SNTG1: variants seen among roughly 807,000 people sequenced by gnomAD.
The protein encoded by SNTG1 is syntrophin gamma 1.
Under a neutral mutation model 74.7 loss-of-function variants are expected in SNTG1, and 39 were observed. The observed-to-expected ratio is 0.52, with a 90% CI of 0.40 to 0.68. The LOEUF is 0.68. Among genes scored for constraint, SNTG1 ranks in the 30% least tolerant of loss-of-function variants. The pLI, the probability that SNTG1 is intolerant of heterozygous loss-of-function variation, is 0.00. For missense variants in SNTG1, 685 were observed against 609.5 expected, an observed-to-expected ratio of 1.12 and a Z score of -1.30; for synonymous variants, 254 against 217.1, an observed-to-expected ratio of 1.17 and a Z score of -1.49.
At chr8:50,046,470 A>T (rs560418324) in intron 1 of SNTG1, among the ~76,000 whole-genome samples, 45 of 152,328 alleles carry the variant, frequency 3.0e-4, no homozygotes, top group African/African-American at 8.9e-4. Flanking sequence ...ATATTATTTT[A>T]AATATTTAAA....
At chr8:49,935,720 C>T (rs948070378) in intron 1 of SNTG1, among the ~76,000 whole-genome samples, 1 of 152,134 alleles carries the variant, frequency 6.6e-6, no homozygotes, top group African/African-American at 2.4e-5. Flanking sequence ...TGTCACCAGC[C>T]TGCAGCTCTG....
At chr8:50,310,036 C>T (rs1004605710) in intron 2 of SNTG1, among the ~76,000 whole-genome samples, 1 of 152,158 alleles carries the variant, frequency 6.6e-6, no homozygotes, top group Non-Finnish European at 1.5e-5. Context: ...TTAATTGAAA[C>T]TCAATCTGTG....
intron 15 of SNTG1, among the ~76,000 whole-genome samples, chr8:50,685,569 T>G (rs979345498): frequency 6.6e-6 from 1 of 152,178 alleles, no homozygotes; most frequent in Admixed American, 6.5e-5. Context: ...AAACCTTAAT[T>G]TTTTCAAAGG....
chr8:50,302,574 A>G (rs1224748684), intron 2 of SNTG1, among the ~76,000 whole-genome samples: 1 of 152,114 alleles, frequency 6.6e-6, no homozygotes, highest in Admixed American at 6.6e-5. Context: ...TGAATAAATG[A>G]CTTTTAGTTT....
intron 4 of SNTG1, among the ~76,000 whole-genome samples, chr8:50,403,838 T>G (rs1371099226): frequency 6.6e-6 from 1 of 152,182 alleles, no homozygotes; most frequent in Non-Finnish European, 1.5e-5. Context: ...GTCATCTAAT[T>G]AAAGCCTCTC....
Position 50,728,059 on chromosome 8 carries a change from G to A in SNTG1, c.1284+19081G>A, listed in dbSNP as rs529092449. Among the ~76,000 whole-genome samples the A allele has an allele frequency of 4.6e-5, 7 of 152,200 alleles. No individual in the cohort carries two copies. In the South Asian group the frequency reaches 1.2e-3, roughly 27 times the overall value. On this transcript the variant is annotated intron_variant, in intron 17 of 18. Transcript: ENST00000642720. ...CAAGATGCTCACATTCCCCATTTGA[G>A]CAGCTGGGAAAGGTGATAGCTGCAA...
intron 13 of SNTG1, among the ~76,000 whole-genome samples, chr8:50,613,794 A>G (rs1042026814): frequency 2.0e-5 from 3 of 152,152 alleles, no homozygotes; most frequent in Non-Finnish European, 4.4e-5. Context: ...AAATGAAGAC[A>G]ACATAATTGT....
At chr8:50,042,615 G>T (rs1239203591) in intron 1 of SNTG1, among the ~76,000 whole-genome samples, 1 of 152,114 alleles carries the variant, frequency 6.6e-6, no homozygotes, top group African/African-American at 2.4e-5. Flanking sequence ...GAAGTGCAGT[G>T]GTGTGATCAT....
intron 1 of SNTG1, among the ~76,000 whole-genome samples, chr8:50,112,844 T>C (rs2131311623): frequency 6.6e-6 from 1 of 152,278 alleles, no homozygotes; most frequent in African/African-American, 2.4e-5. Context: ...GGATGTTAAA[T>C]AGGGAATCCT....
chr8:50,726,745 A>C (rs979536720), intron 17 of SNTG1, among the ~76,000 whole-genome samples: 2 of 152,172 alleles, frequency 1.3e-5, no homozygotes, highest in Non-Finnish European at 2.9e-5. Context: ...GCTACTGAGG[A>C]GGCTGAAGCG....
intron 2 of SNTG1, among the ~76,000 whole-genome samples, chr8:50,332,933 G>A (rs867214240): frequency 5.9e-5 from 9 of 152,232 alleles, no homozygotes; most frequent in South Asian, 2.1e-4. Context: ...ATTGGAGCAC[G>A]TTTATTTCTT....
intron 1 of SNTG1, among the ~76,000 whole-genome samples, chr8:50,042,332 C>T (rs1156462245): frequency 1.3e-5 from 2 of 152,134 alleles, no homozygotes; most frequent in Non-Finnish European, 2.9e-5. Flanking sequence ...TGTTGTAGGT[C>T]CTACCCCTAA....
At chr8:50,311,294 C>A (rs1171473710) in intron 2 of SNTG1, among the ~76,000 whole-genome samples, 1 of 152,164 alleles carries the variant, frequency 6.6e-6, no homozygotes, top group African/African-American at 2.4e-5. Context: ...TCAGGGCCTG[C>A]AGAACCCACA....
At chr8:50,695,224 A>C (rs371841305) in intron 15 of SNTG1, among the ~76,000 whole-genome samples, 29 of 151,970 alleles carry the variant, frequency 1.9e-4, no homozygotes, top group South Asian at 1.7e-3. Flanking sequence ...CACAAAAAAA[A>C]CCGTTAAAAA....
chr8:50,715,488 A>G (rs2095472855), intron 17 of SNTG1, among the ~76,000 whole-genome samples: 2 of 152,180 alleles, frequency 1.3e-5, no homozygotes, highest in Admixed American at 6.6e-5. Flanking sequence ...TGTTAAAAAC[A>G]TTTTTTGGAA....
chr8:50,151,569 A>G (rs1446644181), intron 1 of SNTG1, among the ~76,000 whole-genome samples: 2 of 152,174 alleles, frequency 1.3e-5, no homozygotes, highest in East Asian at 1.9e-4. Flanking sequence ...TTCCCTCTAC[A>G]TACTGGTTTA....
At chr8:50,205,667 C>T (rs1242968643) in intron 2 of SNTG1, among the ~76,000 whole-genome samples, 3 of 152,038 alleles carry the variant, frequency 2.0e-5, no homozygotes, top group Admixed American at 1.3e-4. Context: ...AATGGTATTC[C>T]CTAGGTTTTC....
intron 13 of SNTG1, among the ~76,000 whole-genome samples, chr8:50,629,750 A>G (rs868275290): frequency 2.1e-4 from 32 of 152,128 alleles, no homozygotes; most frequent in Middle Eastern, 3.2e-3. Context: ...TCAGAGTCAT[A>G]TTGGTTGTGT....
chr8:50,623,999 G>A (rs947684150), intron 13 of SNTG1, among the ~76,000 whole-genome samples: 7 of 151,764 alleles, frequency 4.6e-5, no homozygotes, highest in Admixed American at 2.0e-4. Flanking sequence ...CTCTATTAAT[G>A]TAAATTCATT....
Sources: gnomAD v4.1 joint callset for allele counts (sites outside exome capture counted in the v4.1 genomes callset) on GRCh38, gnomAD v4.1.1 for gene constraint, MANE v1.5 for transcripts, NCBI Gene and HGNC (gene_info 2026-07-23, HGNC 2026-07-21) for gene names.